Variants in COMMD10 observed in about 807,000 individuals in gnomAD.
COMMD10 encodes COMM domain-containing protein 10.
In COMMD10, 33 loss-of-function variants were observed where a neutral mutation model predicts 28.9. The observed-to-expected ratio is 1.14, with a 90% confidence interval of 0.87 to 1.53. The LOEUF (loss-of-function observed/expected upper bound fraction) is 1.53, where lower values mean the gene tolerates loss of function less well. Ranked by LOEUF, COMMD10 falls within the 40% of genes most tolerant of loss-of-function variation. The pLI, the probability that COMMD10 is intolerant of heterozygous loss-of-function variation, is 0.00. For missense variants in COMMD10, 310 were observed against 233.4 expected, an observed-to-expected ratio of 1.33 and a Z score of -2.14; for synonymous variants, 110 against 81.7, an observed-to-expected ratio of 1.35 and a Z score of -1.87.
chr5:116,233,647 G>A (rs762524325), intron 5 of COMMD10, among the ~76,000 whole-genome samples: 1 of 152,176 alleles, frequency 6.6e-6, no homozygotes, highest in African/African-American at 2.4e-5. Context: ...AAAGATGTGA[G>A]AGGATAAACC....
At chr5:116,203,653 G>A (rs1249577905) in intron 5 of COMMD10, among the ~76,000 whole-genome samples, 1 of 152,000 alleles carries the variant, frequency 6.6e-6, no homozygotes, top group Non-Finnish European at 1.5e-5. Context: ...CTTCATGAGT[G>A]AAGGAGAAAT....
chr5:116,093,580 G>A (rs1157123747), intron 4 of COMMD10, among the ~76,000 whole-genome samples: 1 of 152,144 alleles, frequency 6.6e-6, no homozygotes, highest in African/African-American at 2.4e-5. Context: ...GCTCTAGAAA[G>A]GGTGCTCTTG....
At chr5:116,164,231 G>A (rs138667873) in intron 5 of COMMD10, among the ~76,000 whole-genome samples, 1 of 152,138 alleles carries the variant, frequency 6.6e-6, no homozygotes, top group Non-Finnish European at 1.5e-5. Context: ...TGAGGCAGGA[G>A]AACTGCTTGA....
At chr5:116,134,694 C>G (rs1008875008) in intron 5 of COMMD10, among the ~76,000 whole-genome samples, 2 of 152,130 alleles carry the variant, frequency 1.3e-5, no homozygotes, top group African/African-American at 4.8e-5. Context: ...GATCTCGGCT[C>G]ACTGCAGGCT....
chr5:116,232,737 T>C (rs1255796013), intron 5 of COMMD10, among the ~76,000 whole-genome samples: 1 of 152,076 alleles, frequency 6.6e-6, no homozygotes, highest in East Asian at 1.9e-4. Flanking sequence ...ATCAATAAGC[T>C]GAAAAATGTT....
At chr5:116,196,454 T>C (rs1748524071) in intron 5 of COMMD10, among the ~76,000 whole-genome samples, 1 of 151,610 alleles carries the variant, frequency 6.6e-6, no homozygotes, top group Admixed American at 6.6e-5. Flanking sequence ...AAGAACTTAC[T>C]CATGTAACCG....
chr5:116,228,231 ACTT>A lies in COMMD10; in HGVS notation c.511-63283_511-63281del, dbSNP rs1749444331. ...TTGTAGTGATTTGGTTGAAAAATAA[ACTT>A]CTAATTCCCCTTTAAAAACTGAGAA... On this transcript the variant is annotated intron_variant, in intron 5 of 6. Coordinates refer to ENST00000274458, the MANE Select transcript of COMMD10 (RefSeq NM_016144.4). Among the ~76,000 whole-genome samples, 4 of 152,112 alleles carry A rather than the reference ACTT, an allele frequency of 2.6e-5. No individual in the cohort carries two copies. In the South Asian group the frequency reaches 8.3e-4, roughly 32 times the overall value.
Position 116,206,944 on chromosome 5 carries a change from G to A in COMMD10, c.510+72766G>A, listed in dbSNP as rs1748828811. 2.7e-5 allele frequency among the ~76,000 whole-genome samples: 4 copies of A among 150,330 alleles called. No homozygotes were observed. In the Admixed American group the frequency reaches 2.7e-4, roughly 10 times the overall value. The stretch of plus-strand genomic sequence containing the variant: ...TCCATCTCCTCAAAAAATTGTAAAC[G>A]GAAATGTTGTATGAAAAAAACTTCA... On this transcript the variant is annotated intron_variant, in intron 5 of 6. Coordinates refer to ENST00000274458, the MANE Select transcript of COMMD10 (RefSeq NM_016144.4).
chr5:116,231,230 C>G (rs1055066899), intron 5 of COMMD10, among the ~76,000 whole-genome samples: 2 of 152,062 alleles, frequency 1.3e-5, no homozygotes, highest in African/African-American at 4.8e-5. Context: ...AATCATTAAT[C>G]CAGGGATATC....
chr5:116,181,736 GT>G (rs1747973719), intron 5 of COMMD10, among the ~76,000 whole-genome samples: 1 of 151,798 alleles, frequency 6.6e-6, no homozygotes. Flanking sequence ...GAGAAGGAAG[GT>G]TTTTTAATTT....
chr5:116,215,356 A>G (rs528926282), intron 5 of COMMD10, among the ~76,000 whole-genome samples: 8 of 152,046 alleles, frequency 5.3e-5, no homozygotes, highest in Admixed American at 1.3e-4. Context: ...GTATGGTCAA[A>G]TTCATTTAGT....
At chr5:116,148,515 C>T (rs1207606620) in intron 5 of COMMD10, among the ~76,000 whole-genome samples, 1 of 151,846 alleles carries the variant, frequency 6.6e-6, no homozygotes, top group East Asian at 1.9e-4. Flanking sequence ...CCCAGGATAA[C>T]ACCTTTGTTG....
chr5:116,113,220 T>C (rs1751115759), intron 4 of COMMD10, among the ~76,000 whole-genome samples: 1 of 152,122 alleles, frequency 6.6e-6, no homozygotes, highest in Non-Finnish European at 1.5e-5. Flanking sequence ...TAGATGACAC[T>C]TTTCTCTTGA....
At chr5:116,181,297 A>G (rs535413226) in intron 5 of COMMD10, among the ~76,000 whole-genome samples, 3 of 151,338 alleles carry the variant, frequency 2.0e-5, no homozygotes, top group East Asian at 3.9e-4. Context: ...TGTGAATTCT[A>G]AATGCTGAAA....
At chr5:116,188,267 A>C (rs1748208253) in intron 5 of COMMD10, among the ~76,000 whole-genome samples, 1 of 152,090 alleles carries the variant, frequency 6.6e-6, no homozygotes, top group South Asian at 2.1e-4. Context: ...TATCAAGTCC[A>C]CTTGACTTAA....
At chr5:116,099,641 C>T (rs1250756475) in intron 4 of COMMD10, among the ~76,000 whole-genome samples, 2 of 152,146 alleles carry the variant, frequency 1.3e-5, no homozygotes, top group Middle Eastern at 3.4e-3. Flanking sequence ...GGTATTTTAA[C>T]GATGTAACGT....
chr5:116,269,817 C>G (rs528633221), intron 5 of COMMD10, among the ~76,000 whole-genome samples: 1 of 151,668 alleles, frequency 6.6e-6, no homozygotes. Flanking sequence ...GTCTGACTTG[C>G]CAGTCTTACT....
At chr5:116,290,852 G>C (rs939211294) in intron 5 of COMMD10, among the ~76,000 whole-genome samples, 3 of 152,016 alleles carry the variant, frequency 2.0e-5, no homozygotes, top group Admixed American at 6.6e-5. Context: ...AGTTGAGTTG[G>C]GTTTAGTTTA....
chr5:116,172,973 A>G (rs1207129259), intron 5 of COMMD10, among the ~76,000 whole-genome samples: 1 of 152,192 alleles, frequency 6.6e-6, no homozygotes. Flanking sequence ...TGTAAAGTTT[A>G]TAAAATTTAA....
Sources: allele counts gnomAD v4.1 joint callset (sites outside exome capture counted in the v4.1 genomes callset), GRCh38; gene constraint gnomAD v4.1.1; transcripts MANE v1.5; gene names NCBI Gene and HGNC (gene_info 2026-07-23, HGNC 2026-07-21).